RBSN: variants seen among roughly 807,000 people sequenced by gnomAD.
RBSN encodes rabenosyn-5.
In RBSN, 34 loss-of-function variants were observed where a neutral mutation model predicts 60.5. That is an observed-to-expected ratio of 0.56 (90% CI 0.43 to 0.75). The LOEUF is 0.75. Among genes scored for constraint, RBSN ranks in the 30% least tolerant of loss-of-function variants. The pLI, the probability that RBSN is intolerant of heterozygous loss-of-function variation, is 0.00. For synonymous variants in RBSN, 322 were observed against 366.9 expected, an observed-to-expected ratio of 0.88 and a Z score of 1.40; for missense variants, 845 against 986.8, an observed-to-expected ratio of 0.86 and a Z score of 1.92.
chr3:15,072,006 G>A lies in RBSN; in HGVS notation c.*1776C>T, dbSNP rs1387611362. The A allele has an allele frequency of 6.6e-6, 1 of 152,654 alleles. No individual in the cohort carries two copies. The highest frequency in any genetic ancestry group is 1.5e-5 in the Non-Finnish European group (1 of 68,040). 9.5% of individuals were successfully genotyped at this position (152,654 alleles called of 1,614,324 possible). A position where few individuals can be genotyped will look rare whatever the true frequency, so the allele number is the denominator to read the frequency against. ...ACAATTTCCCTTTCTGGCCTTAATTGACCAACAGTTTAAGTACTGTGGTGC... is the reference window on the plus strand; with the variant it reads ...ACAATTTCCCTTTCTGGCCTTAATTAACCAACAGTTTAAGTACTGTGGTGC... On this transcript the variant is annotated 3_prime_UTR_variant, in exon 14 of 14. Transcript: ENST00000253699.
intron 13 of RBSN, chr3:15,075,288 A>G: frequency 1.6e-6 from 1 of 610,868 alleles, no homozygotes; most frequent in Non-Finnish European, 3.0e-6. Context: ...TATTGCATAT[A>G]CCGATATGTT....
Position 15,072,900 on chromosome 3 carries a change from A to G in RBSN, c.*882T>C, listed in dbSNP as rs1269414519. 1.3e-5 allele frequency: 2 copies of G among 152,236 alleles called. No individual in the cohort carries two copies. The highest frequency in any genetic ancestry group is 2.9e-5 in the Non-Finnish European group (2 of 68,108). The allele number at this position is 152,236 out of a possible 1,614,324, so 9.4% of individuals were successfully genotyped here. On this transcript the variant is annotated 3_prime_UTR_variant, in exon 14 of 14. Transcript: ENST00000253699. ...GGCTAATTTTTTGTATTTTTAGTAG[A>G]GACGGGATTTCACTGTGTTAGCCAG...
At chr3:15,075,789 G>A in intron 12 of RBSN, 79 bp from the exon 13 acceptor site, 1 of 1,168,100 alleles carries the variant, frequency 8.6e-7, no homozygotes, top group Non-Finnish European at 1.3e-6. Flanking sequence ...ATGAGAGTCT[G>A]CTTAAGCTGA....
chr3:15,089,106 G>A (rs1184946705), intron 5 of RBSN, among the ~76,000 whole-genome samples: 4 of 152,004 alleles, frequency 2.6e-5, no homozygotes, highest in Non-Finnish European at 5.9e-5. Context: ...ATAAATAAAG[G>A]AATAATTACC....
At position 15,077,014 on chromosome 3, in the gene RBSN, G is replaced by T; in HGVS notation, c.1101+48C>A. On this transcript the variant is annotated intron_variant, in intron 12 of 13. Coordinates refer to ENST00000253699, the MANE Select transcript of RBSN (RefSeq NM_022340.4). This position sits in a 1 kb window ranked among gnomAD's most constrained non-coding sequence, Gnocchi z 4.4. The stretch of plus-strand genomic sequence containing the variant: ...GATCTGCCTCCTGGGAAGCAAAAGA[G>T]CAGGACAGGCCAAGTGCAACATTTA... 1 of 1,523,624 alleles carries T rather than the reference G, an allele frequency of 6.6e-7. No individual in the cohort carries two copies. The highest frequency in any genetic ancestry group is 9.1e-7 in the Non-Finnish European group (1 of 1,098,020). 94.4% of individuals were successfully genotyped at this position (1,523,624 alleles called of 1,614,324 possible).
rs761666596 is a variant in RBSN, at chr3:15,072,041, G to A, written c.*1741C>T. The A allele has an allele frequency of 1.3e-5, 2 of 152,660 alleles. No homozygotes were observed. Among genetic ancestry groups the A allele is most frequent in the African/African-American group, 2.4e-5 (1 of 41,452 alleles). 9.5% of individuals were successfully genotyped at this position (152,660 alleles called of 1,614,324 possible). On this transcript the variant is annotated 3_prime_UTR_variant, in exon 14 of 14. Transcript: ENST00000253699. ...TTAAGTACTGTGGTGCTACCAGCAC[G>A]ATCCTGGGTTGTGCTTCTTCAAACA...
In RBSN at chr3:15,071,509, A is replaced by C. The variant is rs1025960280; in HGVS notation, c.*2273T>G. The C allele has an allele frequency of 2.6e-5, 4 of 152,214 alleles. No homozygotes were observed. Among genetic ancestry groups the C allele is most frequent in the Admixed American group, 6.5e-5 (1 of 15,282 alleles). 9.4% of individuals were successfully genotyped at this position (152,214 alleles called of 1,614,324 possible). A position where few individuals can be genotyped will look rare whatever the true frequency, so the allele number is the denominator to read the frequency against. ...CCAACTTCTCAAAACAACCCATAACAACCAGCAGGGTTGGTAACTGGCTGA... is the reference window on the plus strand; with the variant it reads ...CCAACTTCTCAAAACAACCCATAACCACCAGCAGGGTTGGTAACTGGCTGA... On this transcript the variant is annotated 3_prime_UTR_variant, in exon 14 of 14. Transcript: ENST00000253699.
intron 4 of RBSN, among the ~76,000 whole-genome samples, chr3:15,093,842 C>G (rs1167224298): frequency 6.6e-6 from 1 of 152,050 alleles, no homozygotes; most frequent in Admixed American, 6.5e-5. Context: ...GCTAGGACTA[C>G]AAATGCATGT....
At position 15,073,355 on chromosome 3, in the gene RBSN, G is replaced by T. The variant is rs1575081023; in HGVS notation, c.*427C>A. ...CTTCTCTGTCTTGGCTAAAGGAAGG[G>T]CTCTAAAAAGGCTGCCCTATAATAC... On this transcript the variant is annotated 3_prime_UTR_variant, in exon 14 of 14. Transcript: ENST00000253699. 1 of 164,776 alleles carries T rather than the reference G, an allele frequency of 6.1e-6. No individual in the cohort carries two copies. Among genetic ancestry groups the T allele is most frequent in the East Asian group, 1.8e-4 (1 of 5,470 alleles). The allele number at this position is 164,776 out of a possible 1,614,324, so 10.2% of individuals were successfully genotyped here.
intron 5 of RBSN, among the ~76,000 whole-genome samples, chr3:15,087,650 G>A (rs111714110): frequency 2.6e-5 from 4 of 152,032 alleles, no homozygotes; most frequent in African/African-American, 4.8e-5. Flanking sequence ...ACAGAGTCTC[G>A]CTCTGTCGCC....
In RBSN at chr3:15,085,898, A is replaced by G; in HGVS notation, c.353T>C (p.Val118Ala). The part of the protein sequence containing the change: ...KHRAARIDHY[V>A]VEVNKLIIRL... ...GATTATTAGTTTATTGACTTCCACA[A>G]CATAGTGGTCAATTCTAGCAGCTCG... The change falls in exon 6 of 14, where the codon GTT (valine) becomes GCT (alanine). Residue 118 changes from valine to alanine, a missense_variant. Physicochemically the swap from Val to Ala is moderately conservative, Grantham distance 64. Transcript: ENST00000253699. 1.9e-6 allele frequency: 3 copies of G among 1,614,130 alleles called. No homozygotes were observed. Among genetic ancestry groups the G allele is most frequent in the Non-Finnish European group, 2.5e-6 (3 of 1,180,010 alleles).
chr3:15,084,471 C>G lies in RBSN; in HGVS notation c.598+264G>C, dbSNP rs2043285668. On this transcript the variant is annotated intron_variant, in intron 8 of 13. Transcript: ENST00000253699. The surrounding 1 kb of genome is among the most constrained non-coding windows in gnomAD (Gnocchi z 4.2). Reference sequence around the variant, plus strand: ...AAAGAAAGAAGAAATGTCACAGCAACCATATGTGGCCCACAAAGCCTAAAT... The same window carrying G: ...AAAGAAAGAAGAAATGTCACAGCAAGCATATGTGGCCCACAAAGCCTAAAT... Among the ~76,000 whole-genome samples the G allele has an allele frequency of 6.6e-6, 1 of 152,178 alleles. No individual in the cohort carries two copies. The highest frequency in any genetic ancestry group is 1.5e-5 in the Non-Finnish European group (1 of 68,038).
At chr3:15,080,180 G>A (rs536265481) in intron 10 of RBSN, among the ~76,000 whole-genome samples, 1 of 151,922 alleles carries the variant, frequency 6.6e-6, no homozygotes, top group East Asian at 1.9e-4. Flanking sequence ...GGGAGGTGGA[G>A]GTCACAGTGA....
At chr3:15,097,511 A>G (rs748058921) in intron 2 of RBSN, among the ~76,000 whole-genome samples, 4 of 151,950 alleles carry the variant, frequency 2.6e-5, no homozygotes, top group South Asian at 2.1e-4. Flanking sequence ...GCGAAACTCC[A>G]TCTCAAAAAA....
chr3:15,082,489 C>T lies in RBSN; in HGVS notation c.718G>A (p.Val240Ile), dbSNP rs2043228734. The T allele has an allele frequency of 6.2e-7, 1 of 1,614,182 alleles. No individual in the cohort carries two copies. The highest frequency in any genetic ancestry group is 1.3e-5 in the African/African-American group (1 of 75,048). The change falls in exon 9 of 14, where the codon GTC (valine) becomes ATC (isoleucine). Residue 240 changes from valine to isoleucine, a missense_variant. Coordinates refer to ENST00000253699, the MANE Select transcript of RBSN (RefSeq NM_022340.4). This position sits in a 1 kb window ranked among gnomAD's most constrained non-coding sequence, Gnocchi z 4.2. The part of the protein sequence containing the change: ...SISSMSSVSS[V>I]LDEKDDDRIR... ...CGGTCATCGTCCTTCTCATCCAGGA[C>T]CGAGCTGACACTGCTCATGCTGCTG...
rs1281820793 is a variant in RBSN at position 15,071,747 on chromosome 3, G to A, written c.*2035C>T. 1 of 152,548 alleles carries A rather than the reference G, an allele frequency of 6.6e-6. No homozygotes were observed. The highest frequency in any genetic ancestry group is 1.5e-5 in the Non-Finnish European group (1 of 68,044). The allele number at this position is 152,548 out of a possible 1,614,324, so 9.4% of individuals were successfully genotyped here. A position where few individuals can be genotyped will look rare whatever the true frequency, so the allele number is the denominator to read the frequency against. Reference sequence around the variant, plus strand: ...AGTTAAAACATTCCCATTATCAAGAGGGGTCTTCACCAGAATGTAACAAAA... The same window carrying A: ...AGTTAAAACATTCCCATTATCAAGAAGGGTCTTCACCAGAATGTAACAAAA... On this transcript the variant is annotated 3_prime_UTR_variant, in exon 14 of 14. Transcript: ENST00000253699.
chr3:15,086,722 G>C (rs1228799630), intron 5 of RBSN, among the ~76,000 whole-genome samples: 1 of 152,156 alleles, frequency 6.6e-6, no homozygotes, highest in Non-Finnish European at 1.5e-5. Flanking sequence ...GATACAATAT[G>C]GTTTTTCCTC....
chr3:15,089,988 T>G (rs2043466519), intron 5 of RBSN, among the ~76,000 whole-genome samples: 1 of 152,202 alleles, frequency 6.6e-6, no homozygotes, highest in Admixed American at 6.5e-5. Flanking sequence ...GTTACTATAA[T>G]TATTCAAAAA....
chr3:15,094,335 T>C (rs2043595438), intron 4 of RBSN, among the ~76,000 whole-genome samples: 1 of 152,240 alleles, frequency 6.6e-6, no homozygotes, highest in South Asian at 2.1e-4. Flanking sequence ...GAAGCTGCAA[T>C]GCATGTTGTG....
Sources: allele counts gnomAD v4.1 joint callset (sites outside exome capture counted in the v4.1 genomes callset), GRCh38; gene constraint gnomAD v4.1.1; non-coding constraint Gnocchi (gnomAD v3.1); transcripts MANE v1.5; gene names NCBI Gene and HGNC (gene_info 2026-07-23, HGNC 2026-07-21).